Variants in SLC35F1 observed in about 807,000 individuals in gnomAD.
The protein encoded by SLC35F1 is solute carrier family 35 member F1.
In SLC35F1, 14 loss-of-function variants were observed where a neutral mutation model predicts 48.7. The ratio of observed to expected loss-of-function variants is 0.29; its 90% CI spans 0.19 to 0.45. The LOEUF (loss-of-function observed/expected upper bound fraction) is 0.45, where lower values mean the gene tolerates loss of function less well. SLC35F1 is among the 20% of genes least tolerant of loss of function. SLC35F1 has a pLI of 1.00. For synonymous variants in SLC35F1, 190 were observed against 202.2 expected, an observed-to-expected ratio of 0.94 and a Z score of 0.51; for missense variants, 404 against 500.0, an observed-to-expected ratio of 0.81 and a Z score of 1.83.
At position 117,924,125 on chromosome 6, in the gene SLC35F1, A is replaced by T. The variant is rs1582565561; in HGVS notation, c.173+16226A>T. ...CACATGCATATGTATATACACACAT[A>T]GGTACACATGCATATGTATATATAC... On this transcript the variant is annotated intron_variant, in intron 1 of 7. Coordinates refer to ENST00000360388, the MANE Select transcript of SLC35F1 (RefSeq NM_001029858.4). Among the ~76,000 whole-genome samples, 4 of 143,352 alleles carry T rather than the reference A, an allele frequency of 2.8e-5. 1 individual carries two copies. The highest frequency in any genetic ancestry group is 7.5e-3 in the Middle Eastern group (2 of 266). The allele number at this position is 143,352 out of a possible 152,430, so 94.0% of individuals were successfully genotyped here. A position where few individuals can be genotyped will look rare whatever the true frequency, so the allele number is the denominator to read the frequency against.
intron 1 of SLC35F1, among the ~76,000 whole-genome samples, chr6:118,010,633 C>G (rs945024857): frequency 1.1e-4 from 17 of 152,176 alleles, no homozygotes; most frequent in Non-Finnish European, 2.1e-4. Context: ...TAGGCACAGT[C>G]CACTCATGTT....
At chr6:118,303,002 C>A (rs1260942042) in intron 7 of SLC35F1, among the ~76,000 whole-genome samples, 2 of 150,340 alleles carry the variant, frequency 1.3e-5, no homozygotes, top group African/African-American at 4.9e-5. Flanking sequence ...AACATTAAAC[C>A]CATAATATGA....
chr6:118,238,877 G>T (rs1407848726), intron 3 of SLC35F1, among the ~76,000 whole-genome samples: 1 of 152,100 alleles, frequency 6.6e-6, no homozygotes, highest in African/African-American at 2.4e-5. Context: ...TAGAAGTACT[G>T]CTGGCATTTT....
intron 1 of SLC35F1, among the ~76,000 whole-genome samples, chr6:117,909,314 A>G (rs1775735257): frequency 6.6e-6 from 1 of 152,062 alleles, no homozygotes; most frequent in Non-Finnish European, 1.5e-5. Context: ...AATTGCAATT[A>G]CCTTGTCATT....
chr6:118,148,044 T>A (rs1387807569), intron 1 of SLC35F1, among the ~76,000 whole-genome samples: 1 of 152,200 alleles, frequency 6.6e-6, no homozygotes, highest in Non-Finnish European at 1.5e-5. Flanking sequence ...CAAACAAGAA[T>A]CTTGTCAAAG....
chr6:118,118,575 C>T (rs1773504389), intron 1 of SLC35F1, among the ~76,000 whole-genome samples: 1 of 152,128 alleles, frequency 6.6e-6, no homozygotes, highest in Non-Finnish European at 1.5e-5. Flanking sequence ...AGCATCTTTT[C>T]ACATGCTTCA....
chr6:118,124,002 C>T (rs577104673), intron 1 of SLC35F1, among the ~76,000 whole-genome samples: 6 of 152,238 alleles, frequency 3.9e-5, no homozygotes, highest in East Asian at 1.9e-4. Flanking sequence ...CTTCAGCAGA[C>T]ACCCAAATCA....
At chr6:118,155,350 G>A (rs1194773775) in intron 2 of SLC35F1, among the ~76,000 whole-genome samples, 1 of 152,150 alleles carries the variant, frequency 6.6e-6, no homozygotes, top group Non-Finnish European at 1.5e-5. Flanking sequence ...ATATTAAGAG[G>A]TGGGAGTATT....
chr6:118,060,102 T>C (rs1772517061), intron 1 of SLC35F1, among the ~76,000 whole-genome samples: 1 of 152,222 alleles, frequency 6.6e-6, no homozygotes, highest in Non-Finnish European at 1.5e-5. Context: ...AACATGGACT[T>C]TAGCACCAGA....
intron 3 of SLC35F1, among the ~76,000 whole-genome samples, chr6:118,255,824 T>G (rs169465): frequency 0.1 from 15,305 of 152,226 alleles, 946 homozygotes; most frequent in African/African-American, 0.16. Context: ...ACACATTTGA[T>G]TAGCTTAGCT....
chr6:118,102,433 C>T (rs1773271619), intron 1 of SLC35F1, among the ~76,000 whole-genome samples: 1 of 152,156 alleles, frequency 6.6e-6, no homozygotes, highest in African/African-American at 2.4e-5. Flanking sequence ...ATCCTTCCAC[C>T]TTGGACTCCT....
chr6:118,016,506 G>T (rs940176577), intron 1 of SLC35F1, among the ~76,000 whole-genome samples: 22 of 152,314 alleles, frequency 1.4e-4, no homozygotes, highest in Admixed American at 1.4e-3. Context: ...CAGCAAGGGT[G>T]GGAGGGAAAG....
chr6:118,067,236 T>C (rs533906463), intron 1 of SLC35F1, among the ~76,000 whole-genome samples: 23 of 152,206 alleles, frequency 1.5e-4, no homozygotes, highest in African/African-American at 5.3e-4. Context: ...TGCAGATTTG[T>C]TGGGGTAAAG....
At chr6:118,043,249 G>A (rs955460166) in intron 1 of SLC35F1, among the ~76,000 whole-genome samples, 3 of 151,980 alleles carry the variant, frequency 2.0e-5, no homozygotes, top group East Asian at 1.9e-4. Flanking sequence ...TCTGTTTTAC[G>A]AGTTGTTTAA....
intron 1 of SLC35F1, among the ~76,000 whole-genome samples, chr6:118,126,196 C>T (rs1181213869): frequency 2.0e-5 from 3 of 152,154 alleles, no homozygotes; most frequent in African/African-American, 7.2e-5. Flanking sequence ...AGGAAAGATA[C>T]AAACAGTGCT....
At chr6:118,070,369 A>G (rs1409099911) in intron 1 of SLC35F1, among the ~76,000 whole-genome samples, 1 of 152,162 alleles carries the variant, frequency 6.6e-6, no homozygotes, top group Non-Finnish European at 1.5e-5. Context: ...TCTGTGGCAC[A>G]GTAGGTGTGA....
intron 1 of SLC35F1, among the ~76,000 whole-genome samples, chr6:118,138,103 GTTC>G (rs1322005078): frequency 6.6e-6 from 1 of 152,000 alleles, no homozygotes; most frequent in African/African-American, 2.4e-5. Context: ...GAGGCAGGAG[GTTC>G]GAGACCAGCC....
chr6:118,056,952 T>C (rs1416266126), intron 1 of SLC35F1, among the ~76,000 whole-genome samples: 1 of 150,494 alleles, frequency 6.6e-6, no homozygotes, highest in Non-Finnish European at 1.5e-5. Flanking sequence ...TTTTTTTTTT[T>C]ACTTTGTCAG....
At chr6:118,284,996 A>ATT (rs36095110) in intron 6 of SLC35F1, among the ~76,000 whole-genome samples, 188 bp from the exon 7 acceptor site, 279 of 151,652 alleles carry the variant, frequency 1.8e-3, no homozygotes, top group Non-Finnish European at 3.4e-3. Flanking sequence ...TTCACACTTA[A>ATT]TTTTTTTTAA....
Sources: allele counts gnomAD v4.1 joint callset (sites outside exome capture counted in the v4.1 genomes callset), GRCh38; gene constraint gnomAD v4.1.1; transcripts MANE v1.5; gene names NCBI Gene and HGNC (gene_info 2026-07-23, HGNC 2026-07-21).